The following C21orf58 variants were observed in gnomAD, a reference collection of about 807,000 sequenced individuals.
C21orf58 encodes the protein chromosome 21 open reading frame 58.
Under a neutral mutation model 35.8 loss-of-function variants are expected in C21orf58, and 34 were observed. The ratio of observed to expected loss-of-function variants is 0.95; its 90% CI spans 0.72 to 1.26. C21orf58 has a LOEUF of 1.26. Among genes scored for constraint, C21orf58 ranks in the 50% most tolerant of loss-of-function variants. The pLI, the probability that C21orf58 is intolerant of heterozygous loss-of-function variation, is 0.00. For missense variants in C21orf58, 440 were observed against 414.3 expected (o/e 1.06, Z -0.54); for synonymous variants, 191 against 175.8 (o/e 1.09, Z -0.68).
chr21:46,317,424 G>A (rs2083014862), intron 2 of C21orf58, 156 bp from the exon 3 acceptor site: 2 of 1,310,532 alleles, frequency 1.5e-6, no homozygotes, highest in South Asian at 1.4e-5. Flanking sequence ...GCCCCTCCGA[G>A]GATCTCCCTG....
rs1291847396 is a variant in C21orf58, at chr21:46,301,165, A to G, written c.*834T>C. The G allele has an allele frequency of 5.0e-6, 4 of 792,676 alleles. No individual in the cohort carries two copies. The highest frequency in any genetic ancestry group is 6.1e-6 in the Non-Finnish European group (4 of 651,614). 49.1% of individuals were successfully genotyped at this position (792,676 alleles called of 1,614,324 possible). ...CACTTTTTTATTTTATTTTTGAGACAGGGGCCTGCTCTGTGGTCCAGGCTA... is the reference window on the plus strand; with the variant it reads ...CACTTTTTTATTTTATTTTTGAGACGGGGGCCTGCTCTGTGGTCCAGGCTA... On this transcript the variant is annotated 3_prime_UTR_variant, in exon 8 of 8. Transcript: ENST00000291691.
chr21:46,311,827 C>A (rs1302470937), intron 5 of C21orf58, among the ~76,000 whole-genome samples: 1 of 151,548 alleles, frequency 6.6e-6, no homozygotes, highest in East Asian at 1.9e-4. Flanking sequence ...ACCCATCCAC[C>A]CATCCAACCA....
intron 5 of C21orf58, among the ~76,000 whole-genome samples, chr21:46,312,444 G>A (rs773781606): frequency 1.8e-4 from 28 of 152,134 alleles, no homozygotes; most frequent in South Asian, 4.1e-4. Flanking sequence ...TCAGCCTCCC[G>A]AGTAGCTGGG....
At position 46,302,226 on chromosome 21, in the gene C21orf58, A is replaced by C. The variant is rs548603992; in HGVS notation, c.814-72T>G. On this transcript the variant is annotated intron_variant, in intron 7 of 7. Transcript: ENST00000291691. ...CCACCTCCACTCCCGCCCTGTTCCT[A>C]ACTGGGGCTGGATCCCATGTGATAG... 2.3e-4 allele frequency: 334 copies of C among 1,431,770 alleles called. 4 individuals are homozygous for C. In the South Asian group the frequency reaches 4.5e-3, roughly 19 times the overall value. The allele number at this position is 1,431,770 out of a possible 1,614,324, so 88.7% of individuals were successfully genotyped here.
intron 1 of C21orf58, chr21:46,318,962 C>G: frequency 1.7e-6 from 1 of 600,256 alleles, no homozygotes; most frequent in Non-Finnish European, 2.1e-6. Flanking sequence ...GGGCCCAGAC[C>G]TGTGGACCCG....
chr21:46,318,845 G>C lies in C21orf58; in HGVS notation c.101-625C>G, dbSNP rs1427935516. On this transcript the variant is annotated intron_variant, in intron 1 of 7. Transcript: ENST00000291691. ...TGCAGGAAGCTTCGCAGAGGGTGAC[G>C]CAAAACAGGAGCGTGGTCTGCACTT... The C allele has an allele frequency of 5.1e-6, 5 of 987,134 alleles. No individual in the cohort carries two copies. In the African/African-American group the frequency reaches 8.7e-5, roughly 17 times the overall value. 61.1% of individuals were successfully genotyped at this position (987,134 alleles called of 1,614,324 possible).
chr21:46,315,913 C>T (rs549189758), intron 3 of C21orf58, among the ~76,000 whole-genome samples: 5 of 152,270 alleles, frequency 3.3e-5, no homozygotes, highest in Admixed American at 3.3e-4. Flanking sequence ...GCAGCCTGAC[C>T]TTGGCCACCT....
In C21orf58 at chr21:46,301,249, C is replaced by T; in HGVS notation, c.*750G>A. 3.5e-6 allele frequency: 1 copy of T among 287,172 alleles called. No individual in the cohort carries two copies. Among genetic ancestry groups the T allele is most frequent in the Non-Finnish European group, 5.2e-6 (1 of 191,604 alleles). 17.8% of individuals were successfully genotyped at this position (287,172 alleles called of 1,614,324 possible). On this transcript the variant is annotated 3_prime_UTR_variant, in exon 8 of 8. Transcript: ENST00000291691. ...TTCTAACTCCTGGGCTCAAGCAATC[C>T]TCCCACCTCAGCCCCCAGAGCTGCT... is the stretch of plus-strand genomic sequence containing the variant.
chr21:46,315,622 C>T, intron 3 of C21orf58, 75 bp from the exon 4 acceptor site: 1 of 976,768 alleles, frequency 1.0e-6, no homozygotes. Flanking sequence ...CTGGATGGTA[C>T]TGCACCCATG....
intron 5 of C21orf58, among the ~76,000 whole-genome samples, chr21:46,312,408 T>A (rs1291379090): frequency 6.6e-6 from 1 of 152,092 alleles, no homozygotes; most frequent in Non-Finnish European, 1.5e-5. Context: ...AACCTCCGCC[T>A]CCCAGGTTCT....
At chr21:46,309,650 G>A (rs147346005) in intron 6 of C21orf58, among the ~76,000 whole-genome samples, 4 of 152,018 alleles carry the variant, frequency 2.6e-5, no homozygotes, top group Admixed American at 2.6e-4. Flanking sequence ...GTCATGCTGA[G>A]AGAAGCCATA....
At chr21:46,314,658 T>A in intron 5 of C21orf58, 58 bp downstream of exon 5, 20 of 1,310,248 alleles carry the variant, frequency 1.5e-5, no homozygotes, top group Non-Finnish European at 2.1e-5. Context: ...TTCTGTAAAA[T>A]CTTAATTCCG....
intron 6 of C21orf58, among the ~76,000 whole-genome samples, chr21:46,304,020 G>GTT (rs34586952): frequency 7.9e-3 from 351 of 44,586 alleles, no homozygotes; most frequent in Middle Eastern, 0.025. Context: ...CAAAGTGCTG[G>GTT]TTTTTTTTTT....
chr21:46,301,467 C>T lies in C21orf58; in HGVS notation c.*532G>A. 1.2e-6 allele frequency: 1 copy of T among 832,070 alleles called. No homozygotes were observed. Among genetic ancestry groups the T allele is most frequent in the Non-Finnish European group, 1.3e-6 (1 of 760,838 alleles). The allele number at this position is 832,070 out of a possible 1,614,324, so 51.5% of individuals were successfully genotyped here. A position where few individuals can be genotyped will look rare whatever the true frequency, so the allele number is the denominator to read the frequency against. On this transcript the variant is annotated 3_prime_UTR_variant, in exon 8 of 8. Coordinates refer to ENST00000291691, the MANE Select transcript of C21orf58 (RefSeq NM_058180.5). ...CTACTTCTTTAGTGGGAGTCTGTGC[C>T]ACAGCTGTGGACACAGGTGTCCCTA... is the stretch of plus-strand genomic sequence containing the variant.
At chr21:46,318,702 G>A (rs1006677558) in intron 1 of C21orf58, 1 of 1,035,438 alleles carries the variant, frequency 9.7e-7, no homozygotes, top group African/African-American at 1.7e-5. Flanking sequence ...CAGCAGAAGG[G>A]GTAGGACAGA....
rs2082116260 is a variant in C21orf58 at position 46,301,800 on chromosome 21, T to C, written c.*199A>G. ...ACTGCAGGGGACCCGGAGCAAGGGA[T>C]GCCCCCTGGAATGGCCCCGTGACCA... On this transcript the variant is annotated 3_prime_UTR_variant, in exon 8 of 8. Coordinates refer to ENST00000291691, the MANE Select transcript of C21orf58 (RefSeq NM_058180.5). 1.6e-6 allele frequency: 2 copies of C among 1,246,334 alleles called. No individual in the cohort carries two copies. Among genetic ancestry groups the C allele is most frequent in the Non-Finnish European group, 2.0e-6 (2 of 996,428 alleles). 77.2% of individuals were successfully genotyped at this position (1,246,334 alleles called of 1,614,324 possible).
downstream of C21orf58, chr21:46,300,906 A>G (rs1318017316): frequency 3.2e-6 from 3 of 930,208 alleles, no homozygotes; most frequent in African/African-American, 1.8e-5. Flanking sequence ...AAAAGTAAAG[A>G]AAAGAAATAG....
At chr21:46,318,553 G>GC in intron 1 of C21orf58, 2 of 1,229,172 alleles carry the variant, frequency 1.6e-6, no homozygotes. Context: ...AGGGGAGGGC[G>GC]CCCCACCTGT....
At position 46,314,850 on chromosome 21, in the gene C21orf58, C is replaced by A. The variant is rs1300608988; in HGVS notation, c.475G>T (p.Ala159Ser). ...EQHLLDELSRAQAWSGPSRGA... is the reference protein window; with the variant it reads ...EQHLLDELSRSQAWSGPSRGA... ...CTGCTTGGCCCGCTCCAGGCCTGGG[C>A]CCGAGAGAGCTCGTCCAGGAGGTGT... The change falls in exon 5 of 8, where the codon GCC (alanine) becomes TCC (serine). Residue 159 changes from alanine (A) to serine (S), a missense_variant. Physicochemically the swap from Ala to Ser is moderately conservative, Grantham distance 99. Coordinates refer to ENST00000291691, the MANE Select transcript of C21orf58 (RefSeq NM_058180.5). The A allele has an allele frequency of 3.2e-6, 5 of 1,550,342 alleles. No individual in the cohort carries two copies. The East Asian group carries it at 9.8e-5, about 30-fold the overall frequency.
Sources: gnomAD v4.1 joint callset for allele counts (sites outside exome capture counted in the v4.1 genomes callset) on GRCh38, gnomAD v4.1.1 for gene constraint, MANE v1.5 for transcripts, NCBI Gene and HGNC (gene_info 2026-07-23, HGNC 2026-07-21) for gene names.